Variants in RAPGEF5 observed in about 807,000 individuals in gnomAD.
RAPGEF5 encodes M-Ras-regulated GEF.
In RAPGEF5, 65 loss-of-function variants were observed where a neutral mutation model predicts 125.2. The observed-to-expected ratio is 0.52, with a 90% CI of 0.43 to 0.64. The LOEUF is 0.64. Ranked by LOEUF, RAPGEF5 falls within the 30% of genes least tolerant of loss-of-function variation. The probability of loss-of-function intolerance (pLI) is 0.00; values close to 1 mark genes in which losing one functional copy is unlikely to be tolerated. For missense variants in RAPGEF5, 958 were observed against 1,048.1 expected (o/e 0.91, Z 1.19); for synonymous variants, 391 against 385.9 (o/e 1.01, Z -0.16).
At chr7:22,210,690 G>A (rs1785489656) in intron 9 of RAPGEF5, among the ~76,000 whole-genome samples, 1 of 152,134 alleles carries the variant, frequency 6.6e-6, no homozygotes, top group Admixed American at 6.5e-5. Context: ...CCTGGAACCT[G>A]AACAAAGAGG....
chr7:22,161,823 C>G (rs942566600), intron 13 of RAPGEF5, among the ~76,000 whole-genome samples: 24 of 152,274 alleles, frequency 1.6e-4, no homozygotes, highest in African/African-American at 4.6e-4. Context: ...CTGTCCTAAC[C>G]TGCAGACTTA....
At chr7:22,330,843 G>A (rs113763341) in intron 1 of RAPGEF5, among the ~76,000 whole-genome samples, 2,432 of 152,252 alleles carry the variant, frequency 0.016, 64 homozygotes, top group African/African-American at 0.055. Flanking sequence ...GGTCAATGTC[G>A]TTTTTAGTAA....
In RAPGEF5 at chr7:22,120,440, G is replaced by A. The variant is rs1271456588; in HGVS notation, c.*1966C>T. Reference sequence around the variant, plus strand: ...TAATGTAAATAAAAATCCAAATTTTGAAACACAGAAACAATGTCAGGATGG... The same window carrying A: ...TAATGTAAATAAAAATCCAAATTTTAAAACACAGAAACAATGTCAGGATGG... On this transcript the variant is annotated 3_prime_UTR_variant, in exon 26 of 26. Transcript: ENST00000665637. The surrounding 1 kb of genome is among the most constrained non-coding windows in gnomAD (Gnocchi z 4.0). 6.6e-6 allele frequency: 1 copy of A among 152,570 alleles called. No homozygotes were observed. Among genetic ancestry groups the A allele is most frequent in the East Asian group, 1.9e-4 (1 of 5,196 alleles). 9.5% of individuals were successfully genotyped at this position (152,570 alleles called of 1,614,324 possible). A position where few individuals can be genotyped will look rare whatever the true frequency, so the allele number is the denominator to read the frequency against.
At chr7:22,315,264 C>A in intron 3 of RAPGEF5, 106 bp downstream of exon 3, 1 of 1,324,452 alleles carries the variant, frequency 7.6e-7, no homozygotes, top group Non-Finnish European at 1.0e-6. Flanking sequence ...AACCCTCCTA[C>A]TACTGATATT....
chr7:22,240,655 G>A (rs1206152233), intron 7 of RAPGEF5, among the ~76,000 whole-genome samples: 6 of 152,100 alleles, frequency 3.9e-5, no homozygotes, highest in African/African-American at 1.4e-4. Context: ...TTACAGGAGT[G>A]AGCCACCATG....
chr7:22,282,489 T>C (rs1397776935), intron 6 of RAPGEF5, among the ~76,000 whole-genome samples: 1 of 152,226 alleles, frequency 6.6e-6, no homozygotes, highest in Non-Finnish European at 1.5e-5. Flanking sequence ...TTAAAATCTA[T>C]TCAGTAAATA....
chr7:22,289,597 T>C (rs1782883189), intron 6 of RAPGEF5, among the ~76,000 whole-genome samples: 1 of 152,074 alleles, frequency 6.6e-6, no homozygotes, highest in East Asian at 1.9e-4. Flanking sequence ...CCACAGGCAC[T>C]CCTTTGTGGT....
At chr7:22,262,548 A>G (rs1046123497) in intron 7 of RAPGEF5, among the ~76,000 whole-genome samples, 3 of 152,236 alleles carry the variant, frequency 2.0e-5, no homozygotes, top group Admixed American at 6.5e-5. Context: ...AAACATAAAC[A>G]TAGAACACAG....
At chr7:22,303,739 A>G (rs1783266789) in intron 5 of RAPGEF5, among the ~76,000 whole-genome samples, 1 of 152,268 alleles carries the variant, frequency 6.6e-6, no homozygotes, top group African/African-American at 2.4e-5. Flanking sequence ...AAAGCATCAT[A>G]GAACTAAGAA....
rs529204066 is a variant in RAPGEF5, at chr7:22,249,177, G to A, written c.796+17787C>T. Among the ~76,000 whole-genome samples, 114 of 152,192 alleles carry A rather than the reference G, an allele frequency of 7.5e-4. 1 individual carries two copies. The highest frequency in any genetic ancestry group is 2.6e-3 in the African/African-American group (107 of 41,542). ...ACACTTAATTGGAGCCAGGCTTAAAGTTATTTACCCTTTTTGTTTTGTTTT... is the reference window on the plus strand; with the variant it reads ...ACACTTAATTGGAGCCAGGCTTAAAATTATTTACCCTTTTTGTTTTGTTTT... On this transcript the variant is annotated intron_variant, in intron 7 of 25. Transcript: ENST00000665637.
chr7:22,354,075 A>AC (rs1341184034), intron 1 of RAPGEF5, among the ~76,000 whole-genome samples: 12 of 151,962 alleles, frequency 7.9e-5, no homozygotes, highest in East Asian at 5.8e-4. Context: ...GTCTCAGAAA[A>AC]AAAACAAAAC....
At chr7:22,305,308 A>G (rs1279235092) in intron 5 of RAPGEF5, among the ~76,000 whole-genome samples, 1 of 152,228 alleles carries the variant, frequency 6.6e-6, no homozygotes, top group African/African-American at 2.4e-5. Context: ...CAACCTTTCT[A>G]TTAGCACAGT....
At position 22,160,625 on chromosome 7, in the gene RAPGEF5, A is replaced by G; in HGVS notation, c.1429-10T>C. 6.6e-7 allele frequency: 1 copy of G among 1,525,748 alleles called. No individual in the cohort carries two copies. The highest frequency in any genetic ancestry group is 2.5e-5 in the East Asian group (1 of 40,626). 94.5% of individuals were successfully genotyped at this position (1,525,748 alleles called of 1,614,324 possible). A position where few individuals can be genotyped will look rare whatever the true frequency, so the allele number is the denominator to read the frequency against. On this transcript the variant is annotated splice_polypyrimidine_tract_variant and intron_variant, in intron 13 of 25. Transcript: ENST00000665637. ...CATTCCTATATATGGTCTGGAGAAAAAAGACAAATGAGAGCTCAGTGGTTG... is the reference window on the plus strand; with the variant it reads ...CATTCCTATATATGGTCTGGAGAAAGAAGACAAATGAGAGCTCAGTGGTTG...
intron 7 of RAPGEF5, among the ~76,000 whole-genome samples, chr7:22,259,551 A>G (rs1250199527): frequency 6.6e-6 from 1 of 152,260 alleles, no homozygotes; most frequent in Non-Finnish European, 1.5e-5. Flanking sequence ...AAAAATCTGC[A>G]TATCCAAAGC....
intron 9 of RAPGEF5, among the ~76,000 whole-genome samples, chr7:22,216,947 A>C (rs1475146862): frequency 6.6e-6 from 1 of 152,242 alleles, no homozygotes; most frequent in Non-Finnish European, 1.5e-5. Flanking sequence ...AATCCCCTTC[A>C]ATTTGTAACA....
intron 2 of RAPGEF5, among the ~76,000 whole-genome samples, chr7:22,317,778 G>A (rs1179401551): frequency 9.2e-5 from 14 of 151,972 alleles, no homozygotes; most frequent in South Asian, 2.1e-4. Context: ...TCCCTAGTTC[G>A]TGAACATCTT....
At chr7:22,207,951 T>C (rs1785432733) in intron 9 of RAPGEF5, among the ~76,000 whole-genome samples, 1 of 152,158 alleles carries the variant, frequency 6.6e-6, no homozygotes, top group Admixed American at 6.5e-5. Context: ...AAAACAATTT[T>C]CTGGAAACAA....
intron 17 of RAPGEF5, among the ~76,000 whole-genome samples, chr7:22,151,459 T>C (rs1315945555): frequency 1.8e-4 from 1 of 5,566 alleles, no homozygotes; most frequent in East Asian, 0.056. Context: ...TGATCATTAC[T>C]TTTTTTTTTT....
intron 17 of RAPGEF5, among the ~76,000 whole-genome samples, chr7:22,152,567 C>T (rs148317169): frequency 6.6e-6 from 1 of 152,066 alleles, no homozygotes; most frequent in Non-Finnish European, 1.5e-5. Context: ...TATAACTACC[C>T]TGGGTAAAAA....
Sources: gnomAD v4.1 joint callset for allele counts (sites outside exome capture counted in the v4.1 genomes callset) on GRCh38, gnomAD v4.1.1 for gene constraint, Gnocchi (gnomAD v3.1) non-coding constraint, MANE v1.5 for transcripts, NCBI Gene and HGNC (gene_info 2026-07-23, HGNC 2026-07-21) for gene names.